Variants in MUC13 observed in about 807,000 individuals in gnomAD.
MUC13 encodes mucin-13.
MUC13 carries 32 observed loss-of-function variants against 48.3 expected under a neutral mutation model. The ratio of observed to expected loss-of-function variants is 0.66; its 90% CI spans 0.50 to 0.89. The LOEUF is 0.89. Ranked by LOEUF, MUC13 falls within the 40% of genes least tolerant of loss-of-function variation. MUC13 has a pLI of 0.00. For synonymous variants in MUC13, 199 were observed against 224.9 expected (o/e 0.88, Z 1.03); for missense variants, 571 against 622.8 (o/e 0.92, Z 0.88).
chr3:124,913,911 AGTTAGCT>A (rs1041277641), intron 6 of MUC13, among the ~76,000 whole-genome samples: 3 of 152,084 alleles, frequency 2.0e-5, no homozygotes, highest in Non-Finnish European at 4.4e-5. Context: ...AATATTTAAA[AGTTAGCT>A]GGGCATGGTG....
Sources: gnomAD v4.1 joint callset for allele counts (sites outside exome capture counted in the v4.1 genomes callset) on GRCh38, gnomAD v4.1.1 for gene constraint, MANE v1.5 for transcripts, NCBI Gene and HGNC (gene_info 2026-07-23, HGNC 2026-07-21) for gene names.